SLC2A3: variants seen among roughly 807,000 people sequenced by gnomAD.
The protein encoded by SLC2A3 is solute carrier family 2 member 3, also known as solute carrier family 2, facilitated glucose transporter member 3.
Under a neutral mutation model 46.4 loss-of-function variants are expected in SLC2A3, and 21 were observed. The ratio of observed to expected loss-of-function variants is 0.45; its 90% CI spans 0.32 to 0.65. The LOEUF (loss-of-function observed/expected upper bound fraction) is 0.65, where lower values mean the gene tolerates loss of function less well. Among genes scored for constraint, SLC2A3 ranks in the 30% least tolerant of loss-of-function variants. The pLI is 0.04. For missense variants in SLC2A3, 499 were observed against 623.3 expected, an observed-to-expected ratio of 0.80 and a Z score of 2.12; for synonymous variants, 213 against 239.4, an observed-to-expected ratio of 0.89 and a Z score of 1.02.
At chr12:7,923,410 T>TG (rs1340494061) in intron 8 of SLC2A3, 1 of 174,722 alleles carries the variant, frequency 5.7e-6, no homozygotes, top group East Asian at 1.6e-4. Flanking sequence ...GGTCAAGAGT[T>TG]GGAGACCAGC....
intron 6 of SLC2A3, among the ~76,000 whole-genome samples, chr12:7,926,708 T>G (rs968041733): frequency 2.0e-5 from 3 of 152,158 alleles, no homozygotes; most frequent in Non-Finnish European, 4.4e-5. Context: ...CTCAAAACAT[T>G]GATAGGGACA....
At position 7,920,569 on chromosome 12, in the gene SLC2A3, T is replaced by C. The variant is rs748044650; in HGVS notation, c.*844A>G. 3.3e-5 allele frequency: 5 copies of C among 152,274 alleles called. No homozygotes were observed. In the East Asian group the frequency reaches 7.7e-4, roughly 23 times the overall value. 9.4% of individuals were successfully genotyped at this position (152,274 alleles called of 1,614,324 possible). The stretch of plus-strand genomic sequence containing the variant: ...CCAAAGGAAATCAGTAGCTTTATTA[T>C]ATAGGTATATGACTTTTACGAGAAG... On this transcript the variant is annotated 3_prime_UTR_variant, in exon 10 of 10. Coordinates refer to ENST00000075120, the MANE Select transcript of SLC2A3 (RefSeq NM_006931.3).
intron 8 of SLC2A3, among the ~76,000 whole-genome samples, chr12:7,924,202 T>C (rs1393861426): frequency 6.6e-6 from 1 of 152,174 alleles, no homozygotes; most frequent in African/African-American, 2.4e-5. Context: ...TTTTATAAGC[T>C]ATAATAATGT....
chr12:7,927,747 C>A (rs114537745), intron 6 of SLC2A3, among the ~76,000 whole-genome samples: 3,644 of 152,116 alleles, frequency 0.024, 138 homozygotes, highest in African/African-American at 0.081. Flanking sequence ...GCAAAATCTA[C>A]TCATTGACTA....
chr12:7,928,783 C>T (rs1213699487), intron 6 of SLC2A3, among the ~76,000 whole-genome samples: 1 of 151,890 alleles, frequency 6.6e-6, no homozygotes, highest in Non-Finnish European at 1.5e-5. Context: ...TGGGATTCAT[C>T]AAAATCACCT....
At chr12:7,932,429 C>T (rs762803664) in intron 3 of SLC2A3, among the ~76,000 whole-genome samples, 2 of 152,098 alleles carry the variant, frequency 1.3e-5, no homozygotes, top group East Asian at 1.9e-4. Flanking sequence ...CCACTTGCCT[C>T]GGTTTCCCAA....
chr12:7,921,328 C>G lies in SLC2A3; in HGVS notation c.*85G>C, dbSNP rs1946034625. 6.9e-6 allele frequency: 11 copies of G among 1,604,016 alleles called. No homozygotes were observed. In the South Asian group the frequency reaches 1.0e-4, roughly 15 times the overall value. On this transcript the variant is annotated 3_prime_UTR_variant, in exon 10 of 10. Transcript: ENST00000075120. ...ATTAAGTAGCAGCATTCAGAAGCGT[C>G]CTGGGTTCATCCTGATGAGGTCTCT...
chr12:7,921,742 AT>A, intron 9 of SLC2A3, 111 bp from the exon 10 acceptor site: 1 of 1,188,920 alleles, frequency 8.4e-7, no homozygotes. Flanking sequence ...ACCCTTCCAT[AT>A]TTAATGAAAA....
Position 7,925,583 on chromosome 12 carries a change from G to A in SLC2A3, c.966+261C>T, listed in dbSNP as rs1288975340. 2.1e-5 allele frequency: 7 copies of A among 336,274 alleles called. 1 individual carries two copies. Among genetic ancestry groups the A allele is most frequent in the African/African-American group, 1.0e-4 (5 of 48,300 alleles). 20.8% of individuals were successfully genotyped at this position (336,274 alleles called of 1,614,324 possible). On this transcript the variant is annotated intron_variant, in intron 7 of 9. Coordinates refer to ENST00000075120, the MANE Select transcript of SLC2A3 (RefSeq NM_006931.3). ...AAAACAGTGGAGTAACAGAGCTTGA[G>A]AGTTTTTCCAAGCACCTTTCCTCCA...
In SLC2A3 at chr12:7,920,634, G is replaced by A. The variant is rs1409141680; in HGVS notation, c.*779C>T. On this transcript the variant is annotated 3_prime_UTR_variant, in exon 10 of 10. Coordinates refer to ENST00000075120, the MANE Select transcript of SLC2A3 (RefSeq NM_006931.3). Reference sequence around the variant, plus strand: ...TCTGAAGGACAGAAATTGTTAAGAGGTAACGTACAGACCTCAGGCACCACA... The same window carrying A: ...TCTGAAGGACAGAAATTGTTAAGAGATAACGTACAGACCTCAGGCACCACA... The A allele has an allele frequency of 6.6e-6, 1 of 152,058 alleles. No homozygotes were observed. The highest frequency in any genetic ancestry group is 2.4e-5 in the African/African-American group (1 of 41,382). The allele number at this position is 152,058 out of a possible 1,614,324, so 9.4% of individuals were successfully genotyped here. A position where few individuals can be genotyped will look rare whatever the true frequency, so the allele number is the denominator to read the frequency against.
intron 8 of SLC2A3, among the ~76,000 whole-genome samples, chr12:7,923,907 T>C (rs1273735456): frequency 6.6e-6 from 1 of 151,884 alleles, no homozygotes; most frequent in Non-Finnish European, 1.5e-5. Context: ...TAGCTGACAT[T>C]AGAGGCATGC....
rs936004966 is a variant in SLC2A3 at position 7,922,901 on chromosome 12, G to C, written c.1192C>G (p.Arg398Gly). The C allele has an allele frequency of 6.2e-7, 1 of 1,614,154 alleles. No individual in the cohort carries two copies. The highest frequency in any genetic ancestry group is 8.5e-7 in the Non-Finnish European group (1 of 1,180,022). ...IVAELFSQGP[R>G]PAAMAVAGCS... ...CCGGCCACTGCCATCGCAGCTGGGC[G>C]GGGGCCCTGGCTGAAGAGTTCGGCC... The change falls in exon 9 of 10, where the codon CGC (arginine) becomes GGC (glycine). Residue 398 changes from arginine to glycine, a missense_variant. By Grantham distance (125) the Arg-to-Gly change is moderately radical. Around this residue, in one of 5 missense-constraint regions of SLC2A3, gnomAD observed 179 missense variants for 205.1 expected, o/e 0.87. Coordinates refer to ENST00000075120, the MANE Select transcript of SLC2A3 (RefSeq NM_006931.3).
intron 3 of SLC2A3, 57 bp from the exon 4 acceptor site, chr12:7,931,542 T>TC (rs1946156242): frequency 1.2e-6 from 2 of 1,604,170 alleles, no homozygotes; most frequent in Non-Finnish European, 8.5e-7. Flanking sequence ...TCCTAACTTC[T>TC]CCTCTGTCCT....
intron 5 of SLC2A3, 86 bp from the exon 6 acceptor site, chr12:7,929,957 G>C: frequency 6.3e-7 from 1 of 1,574,990 alleles, no homozygotes. Flanking sequence ...GGAAAGGGCC[G>C]CACGAGGTGA....
Position 7,921,321 on chromosome 12 carries a change from GA to G in SLC2A3, c.*91del. On this transcript the variant is annotated 3_prime_UTR_variant, in exon 10 of 10. Coordinates refer to ENST00000075120, the MANE Select transcript of SLC2A3 (RefSeq NM_006931.3). ...GAAAGGAATTAAGTAGCAGCATTCA[GA>G]AGCGTCCTGGGTTCATCCTGATGAG... 3.1e-6 allele frequency: 5 copies of G among 1,592,656 alleles called. No individual in the cohort carries two copies. The highest frequency in any genetic ancestry group is 4.3e-6 in the Non-Finnish European group (5 of 1,167,912).
chr12:7,934,046 G>A, intron 1 of SLC2A3, 144 bp from the exon 2 acceptor site: 2 of 702,578 alleles, frequency 2.8e-6, no homozygotes, highest in African/African-American at 3.6e-5. Context: ...GGTAATTAAT[G>A]GGGAAGACAA....
intron 6 of SLC2A3, among the ~76,000 whole-genome samples, chr12:7,929,081 TCAAAATGCTCAAAATAGTAAGTTTTG>T (rs1440575888): frequency 6.6e-6 from 1 of 152,026 alleles, no homozygotes; most frequent in East Asian, 1.9e-4. Context: ...ATTTTGAGCA[TCAAAATGCTCAAAATAGTAAGTTTTG>T]CAAAATGCTT....
intron 1 of SLC2A3, among the ~76,000 whole-genome samples, chr12:7,935,527 C>G (rs781314897): frequency 6.6e-6 from 1 of 152,162 alleles, no homozygotes; most frequent in Non-Finnish European, 1.5e-5. Context: ...CCTGCACTCA[C>G]GATTTTAACC....
rs1261752671 is a variant in SLC2A3, at chr12:7,936,003, A to C, written c.15+17T>G. 1.3e-6 allele frequency: 2 copies of C among 1,589,044 alleles called. No individual in the cohort carries two copies. The highest frequency in any genetic ancestry group is 2.7e-5 in the African/African-American group (2 of 74,468). On this transcript the variant is annotated intron_variant, in intron 1 of 9. Transcript: ENST00000075120. ...TCCCAAACAAGCAAAAATAACCAGT[A>C]ATTATATCATTCTTACCTTCTGTGT... is the stretch of plus-strand genomic sequence containing the variant.
Sources: allele counts gnomAD v4.1 joint callset (sites outside exome capture counted in the v4.1 genomes callset), GRCh38; gene constraint gnomAD v4.1.1; regional missense constraint gnomAD v4.1.1; transcripts MANE v1.5; gene names NCBI Gene and HGNC (gene_info 2026-07-23, HGNC 2026-07-21).